Variants in ATG16L1 observed in about 807,000 individuals in gnomAD.
The protein encoded by ATG16L1 is autophagy related 16 like 1.
Under a neutral mutation model 88.5 loss-of-function variants are expected in ATG16L1, and 37 were observed. The observed-to-expected ratio is 0.42, with a 90% CI of 0.32 to 0.55. The LOEUF (loss-of-function observed/expected upper bound fraction) is 0.55, where lower values mean the gene tolerates loss of function less well. Among genes scored for constraint, ATG16L1 ranks in the 20% least tolerant of loss-of-function variants. The pLI, the probability that ATG16L1 is intolerant of heterozygous loss-of-function variation, is 0.13. For synonymous variants in ATG16L1, 301 were observed against 281.0 expected (o/e 1.07, Z -0.71); for missense variants, 554 against 752.8 (o/e 0.74, Z 3.09).
At chr2:233,274,946 G>A (rs959348703) in intron 9 of ATG16L1, among the ~76,000 whole-genome samples, 168 bp downstream of exon 9, 2 of 152,162 alleles carry the variant, frequency 1.3e-5, no homozygotes, top group Non-Finnish European at 2.9e-5. Context: ...ATTTTGCTTA[G>A]TTTCAGAGGA....
At chr2:233,274,581 C>T (rs1460798022) in intron 8 of ATG16L1, 95 bp from the exon 9 acceptor site, 4 of 892,462 alleles carry the variant, frequency 4.5e-6, no homozygotes, top group East Asian at 2.7e-5. Context: ...AGGCAGTCTG[C>T]TTAAGCAAGG....
At chr2:233,252,511 T>A (rs1241920790) in intron 1 of ATG16L1, among the ~76,000 whole-genome samples, 3 of 152,006 alleles carry the variant, frequency 2.0e-5, no homozygotes, top group African/African-American at 7.3e-5. Context: ...GCCTCCCGAG[T>A]AGCTGGGATT....
rs1437839970 is a variant in ATG16L1 at position 233,294,283 on chromosome 2, C to T, written c.1757C>T (p.Ser586Leu). Residue 586 changes from serine to leucine, a missense_variant, in exon 18 of 18, where the codon TCG (serine) becomes TTG (leucine). Coordinates refer to ENST00000392017, the MANE Select transcript of ATG16L1 (RefSeq NM_030803.7). ...HSSSINAVAW[S>L]PSGSHVVSVD... ...TCATCCATCAATGCGGTGGCGTGGTCGCCCTCTGGCTCGCACGTTGTCAGT... is the reference window on the plus strand; with the variant it reads ...TCATCCATCAATGCGGTGGCGTGGTTGCCCTCTGGCTCGCACGTTGTCAGT... 3.7e-6 allele frequency: 6 copies of T among 1,609,864 alleles called. No individual in the cohort carries two copies. The highest frequency in any genetic ancestry group is 5.1e-6 in the Non-Finnish European group (6 of 1,178,224).
chr2:233,270,056 A>G lies in ATG16L1; in HGVS notation c.696A>G (p.Leu232=), dbSNP rs781118009. The G allele has an allele frequency of 1.3e-6, 2 of 1,589,858 alleles. No homozygotes were observed. The highest frequency in any genetic ancestry group is 2.3e-5 in the East Asian group (1 of 43,986). The change falls in exon 6 of 18, where the codon CTA becomes CTG. Residue 232 remains leucine, a synonymous_variant. Coordinates refer to ENST00000392017, the MANE Select transcript of ATG16L1 (RefSeq NM_030803.7). ...TTGCAGAAGCAGCAAAGGAACCTCT[A>G]CCAGTCGAACAGTAAGTAAAGATAA... ...KELAEAAKEP[L]PVEQDDDIEV... is the part of the protein sequence containing the mutation.
chr2:233,287,436 G>A (rs531928925), intron 12 of ATG16L1, among the ~76,000 whole-genome samples: 16 of 152,084 alleles, frequency 1.1e-4, no homozygotes, highest in Non-Finnish European at 2.2e-4. Flanking sequence ...CATAAGTTGA[G>A]GATCATCTGT....
Position 233,269,992 on chromosome 2 carries a change from T to A in ATG16L1, c.642-10T>A. On this transcript the variant is annotated splice_polypyrimidine_tract_variant and intron_variant, in intron 5 of 17. Transcript: ENST00000392017. Reference sequence around the variant, plus strand: ...TAAATGGTGGGCTTTTTTTTTTTTTTTCCCAACAGGAGGCGGCAAGCCCGG... The same window carrying A: ...TAAATGGTGGGCTTTTTTTTTTTTTATCCCAACAGGAGGCGGCAAGCCCGG... 6.4e-7 allele frequency: 1 copy of A among 1,571,202 alleles called. No individual in the cohort carries two copies. Among genetic ancestry groups the A allele is most frequent in the Non-Finnish European group, 8.6e-7 (1 of 1,166,082 alleles).
intron 2 of ATG16L1, among the ~76,000 whole-genome samples, chr2:233,256,994 A>G (rs1297172872): frequency 4.7e-5 from 7 of 150,374 alleles, no homozygotes; most frequent in African/African-American, 1.7e-4. Context: ...GAGCCACCGC[A>G]CTGGCCAGCT....
chr2:233,291,788 C>A (rs573753597), intron 14 of ATG16L1, among the ~76,000 whole-genome samples: 1 of 152,314 alleles, frequency 6.6e-6, no homozygotes, highest in East Asian at 1.9e-4. Flanking sequence ...CCAACTTTAT[C>A]CAAAAGTTGA....
At chr2:233,262,756 T>C (rs562612807) in intron 2 of ATG16L1, among the ~76,000 whole-genome samples, 2 of 152,300 alleles carry the variant, frequency 1.3e-5, no homozygotes, top group South Asian at 4.1e-4. Context: ...TCACACGTGC[T>C]CTCAGTTGAC....
Position 233,294,849 on chromosome 2 carries a change from G to T in ATG16L1, c.*499G>T, listed in dbSNP as rs755104470. Reference sequence around the variant, plus strand: ...ACTCCCGAACTACAGACCCCTCCCTGGTGGGTTGCATGAATGTGTCTCATT... The same window carrying T: ...ACTCCCGAACTACAGACCCCTCCCTTGTGGGTTGCATGAATGTGTCTCATT... On this transcript the variant is annotated 3_prime_UTR_variant, in exon 18 of 18. Coordinates refer to ENST00000392017, the MANE Select transcript of ATG16L1 (RefSeq NM_030803.7). The T allele has an allele frequency of 6.5e-6, 1 of 152,844 alleles. No individual in the cohort carries two copies. The highest frequency in any genetic ancestry group is 2.4e-5 in the African/African-American group (1 of 41,448). The allele number at this position is 152,844 out of a possible 1,614,324, so 9.5% of individuals were successfully genotyped here. A position where few individuals can be genotyped will look rare whatever the true frequency, so the allele number is the denominator to read the frequency against.
At chr2:233,273,665 T>A (rs1288019615) in intron 7 of ATG16L1, 56 bp from the exon 8 acceptor site, 4 of 1,549,152 alleles carry the variant, frequency 2.6e-6, no homozygotes, top group Non-Finnish European at 3.6e-6. Flanking sequence ...GTTTATTGAT[T>A]GATTATTTGG....
intron 12 of ATG16L1, among the ~76,000 whole-genome samples, chr2:233,284,453 T>G (rs1053034527): frequency 6.6e-6 from 1 of 152,232 alleles, no homozygotes; most frequent in Admixed American, 6.5e-5. Context: ...TGCCTCAGCC[T>G]CCTGAGTAGG....
intron 2 of ATG16L1, among the ~76,000 whole-genome samples, chr2:233,259,354 A>T (rs535115929): frequency 1.3e-5 from 2 of 152,292 alleles, no homozygotes; most frequent in South Asian, 4.1e-4. Context: ...CTCTGATGTC[A>T]AAAGATCACC....
chr2:233,292,489 G>T, intron 16 of ATG16L1, 55 bp downstream of exon 16: 1 of 1,608,684 alleles, frequency 6.2e-7, no homozygotes, highest in Non-Finnish European at 8.5e-7. Flanking sequence ...GTCCTGCATG[G>T]GCATTTTCCC....
At chr2:233,259,054 A>T (rs1407434633) in intron 2 of ATG16L1, among the ~76,000 whole-genome samples, 1 of 152,160 alleles carries the variant, frequency 6.6e-6, no homozygotes, top group Non-Finnish European at 1.5e-5. Flanking sequence ...CAGCCCACAC[A>T]CAGCAAGTTA....
chr2:233,282,553 A>G, intron 11 of ATG16L1, 129 bp from the exon 12 acceptor site: 4 of 781,992 alleles, frequency 5.1e-6, no homozygotes, highest in Admixed American at 4.0e-5. Context: ...AGTAGCTGGT[A>G]TTCAGGCTGG....
intron 14 of ATG16L1, among the ~76,000 whole-genome samples, chr2:233,291,277 C>A (rs916526138): frequency 6.6e-6 from 1 of 152,128 alleles, no homozygotes; most frequent in Non-Finnish European, 1.5e-5. Flanking sequence ...ACATTTTATT[C>A]ATAATCTTTA....
chr2:233,272,785 G>A (rs1698080122), intron 6 of ATG16L1, among the ~76,000 whole-genome samples, 181 bp from the exon 7 acceptor site: 1 of 152,214 alleles, frequency 6.6e-6, no homozygotes, highest in African/African-American at 2.4e-5. Flanking sequence ...CAGGTTAAAT[G>A]TTTATTGTAG....
At chr2:233,292,462 T>G in intron 16 of ATG16L1, 28 bp downstream of exon 16, 1 of 1,612,072 alleles carries the variant, frequency 6.2e-7, no homozygotes, top group Non-Finnish European at 8.5e-7. Context: ...CCCCGCCAAT[T>G]TGGTTCATCA....
Sources: allele counts gnomAD v4.1 joint callset (sites outside exome capture counted in the v4.1 genomes callset), GRCh38; gene constraint gnomAD v4.1.1; transcripts MANE v1.5; gene names NCBI Gene and HGNC (gene_info 2026-07-23, HGNC 2026-07-21).